Variants in PAK1 observed in about 807,000 individuals in gnomAD.
PAK1 encodes serine/threonine-protein kinase PAK 1.
A neutral mutation model predicts 67.4 loss-of-function variants in PAK1; 29 were observed. That is an observed-to-expected ratio of 0.43 (90% CI 0.32 to 0.59). The LOEUF is 0.59. Among genes scored for constraint, PAK1 ranks in the 20% least tolerant of loss-of-function variants. PAK1 has a pLI of 0.07. For missense variants in PAK1, 337 were observed against 670.7 expected, an observed-to-expected ratio of 0.50 and a Z score of 5.50; for synonymous variants, 223 against 237.4, an observed-to-expected ratio of 0.94 and a Z score of 0.56.
At chr11:77,428,603 G>A (rs1592436202) in intron 1 of PAK1, among the ~76,000 whole-genome samples, 1 of 151,358 alleles carries the variant, frequency 6.6e-6, no homozygotes, top group East Asian at 2.0e-4. Flanking sequence ...GTTAAGAGAT[G>A]ATGAGGGCAG....
chr11:77,527,994 C>T, the PAK1 span, among the ~76,000 whole-genome samples: 6 of 151,956 alleles, frequency 3.9e-5, no homozygotes, highest in South Asian at 4.2e-4. Context: ...GGACTACAGG[C>T]GAGTGCCACC....
the PAK1 span, among the ~76,000 whole-genome samples, chr11:77,498,005 G>A: frequency 6.6e-6 from 1 of 152,042 alleles, no homozygotes; most frequent in Non-Finnish European, 1.5e-5. Context: ...ACCTTAGTCT[G>A]TGCAAGTATT....
intron 2 of PAK1, among the ~76,000 whole-genome samples, chr11:77,381,553 A>G (rs890613584): frequency 3.3e-5 from 5 of 152,262 alleles, no homozygotes; most frequent in African/African-American, 1.2e-4. Flanking sequence ...AGTTGAATCA[A>G]GAAAACATAC....
intron 1 of PAK1, among the ~76,000 whole-genome samples, chr11:77,465,885 A>G (rs113524032): frequency 0.032 from 4,819 of 152,270 alleles, 126 homozygotes; most frequent in African/African-American, 0.073. Flanking sequence ...GGAGGGCAGC[A>G]CTGCAGTGAG....
intron 1 of PAK1, among the ~76,000 whole-genome samples, chr11:77,409,475 T>C (rs1954169513): frequency 6.6e-6 from 1 of 152,076 alleles, no homozygotes; most frequent in African/African-American, 2.4e-5. Context: ...AGCAAATCAA[T>C]ATATGAAAGA....
intron 1 of PAK1, among the ~76,000 whole-genome samples, chr11:77,438,869 C>A (rs1277778378): frequency 3.3e-5 from 5 of 152,128 alleles, no homozygotes; most frequent in Non-Finnish European, 5.9e-5. Context: ...ATTCTGCAAG[C>A]CTATGAAAAA....
chr11:77,490,473 C>G, the PAK1 span, among the ~76,000 whole-genome samples: 1 of 146,116 alleles, frequency 6.8e-6, no homozygotes, highest in Admixed American at 6.8e-5. Context: ...GTCAGCCCCC[C>G]GCCCGGCCAG....
the PAK1 span, among the ~76,000 whole-genome samples, chr11:77,510,587 T>C: frequency 1.3e-5 from 2 of 152,230 alleles, no homozygotes; most frequent in African/African-American, 4.8e-5. Flanking sequence ...TTTTGTAATA[T>C]CATTTTCAGT....
At chr11:77,368,947 A>G (rs907991154) in intron 5 of PAK1, among the ~76,000 whole-genome samples, 2 of 152,192 alleles carry the variant, frequency 1.3e-5, no homozygotes, top group South Asian at 2.1e-4. Context: ...AGCCTTTCAG[A>G]AGTGATCTGT....
At chr11:77,488,082 G>C in the PAK1 span, among the ~76,000 whole-genome samples, 1 of 152,216 alleles carries the variant, frequency 6.6e-6, no homozygotes, top group Non-Finnish European at 1.5e-5. Flanking sequence ...TACAGAGAGA[G>C]ACTTTATGTG....
chr11:77,405,670 G>GAGACAC (rs1177577797), intron 1 of PAK1, among the ~76,000 whole-genome samples: 2,551 of 125,616 alleles, frequency 0.02, 73 homozygotes, highest in East Asian at 0.12. Context: ...CAGACAGACA[G>GAGACAC]ACAGACACAC....
intron 1 of PAK1, among the ~76,000 whole-genome samples, chr11:77,407,573 A>G (rs1953793103): frequency 6.6e-6 from 1 of 152,222 alleles, no homozygotes; most frequent in Non-Finnish European, 1.5e-5. Flanking sequence ...ATATCTATAT[A>G]GCACTTTACA....
At chr11:77,466,127 C>T (rs1957584353) in intron 1 of PAK1, among the ~76,000 whole-genome samples, 2 of 152,154 alleles carry the variant, frequency 1.3e-5, no homozygotes, top group Non-Finnish European at 2.9e-5. Flanking sequence ...TGATGGACTA[C>T]ATCCCAGTGT....
chr11:77,508,934 A>G, the PAK1 span, among the ~76,000 whole-genome samples: 1 of 139,212 alleles, frequency 7.2e-6, no homozygotes. Flanking sequence ...TGTTGGGATT[A>G]CAGGCGTGAG....
intron 14 of PAK1, among the ~76,000 whole-genome samples, chr11:77,326,732 C>T (rs1349959163): frequency 2.6e-5 from 4 of 152,110 alleles, no homozygotes; most frequent in African/African-American, 9.7e-5. Flanking sequence ...CAGAGCGCCT[C>T]TCCTCCTCCA....
the PAK1 span, among the ~76,000 whole-genome samples, chr11:77,528,855 G>A: frequency 5.9e-5 from 9 of 151,986 alleles, no homozygotes; most frequent in African/African-American, 2.2e-4. Flanking sequence ...TTAAATTCAG[G>A]TTCAATTATT....
chr11:77,424,460 C>T (rs1193831052), intron 1 of PAK1, among the ~76,000 whole-genome samples: 3 of 152,126 alleles, frequency 2.0e-5, no homozygotes, highest in African/African-American at 7.2e-5. Flanking sequence ...AAATACTGTA[C>T]AGTAAAAACA....
intron 1 of PAK1, among the ~76,000 whole-genome samples, chr11:77,465,685 C>T (rs894241200): frequency 6.6e-6 from 1 of 152,030 alleles, no homozygotes; most frequent in African/African-American, 2.4e-5. Flanking sequence ...AATTCTTGGC[C>T]GGGCAAAGTG....
chr11:77,394,835 C>CT (rs1491513615), intron 1 of PAK1, among the ~76,000 whole-genome samples: 2 of 148,922 alleles, frequency 1.3e-5, no homozygotes, highest in Non-Finnish European at 3.0e-5. Context: ...CAGAGCAAGA[C>CT]TCTGTCTCAA....
Sources: gnomAD v4.1 joint callset for allele counts (sites outside exome capture counted in the v4.1 genomes callset) on GRCh38, gnomAD v4.1.1 for gene constraint, MANE v1.5 for transcripts, NCBI Gene and HGNC (gene_info 2026-07-23, HGNC 2026-07-21) for gene names.